The following PHLPP1 variants were observed in gnomAD, a reference collection of about 807,000 sequenced individuals.
PHLPP1 encodes PH domain leucine-rich repeat-containing protein phosphatase 1.
Under a neutral mutation model 117.2 loss-of-function variants are expected in PHLPP1, and 42 were observed. The ratio of observed to expected loss-of-function variants is 0.36; its 90% confidence interval spans 0.28 to 0.46. PHLPP1 has a LOEUF of 0.46. Among genes scored for constraint, PHLPP1 ranks in the 20% least tolerant of loss-of-function variants. The pLI is 1.00. For synonymous variants in PHLPP1, 1,042 were observed against 970.7 expected (o/e 1.07, Z -1.37); for missense variants, 2,084 against 2,241.9 (o/e 0.93, Z 1.42).
chr18:62,929,487 T>G (rs1909744001), intron 10 of PHLPP1, among the ~76,000 whole-genome samples: 1 of 152,198 alleles, frequency 6.6e-6, no homozygotes, highest in African/African-American at 2.4e-5. Flanking sequence ...GAAAGCTGTT[T>G]GGGCGTGATG....
chr18:62,770,499 A>G (rs1164623365), intron 1 of PHLPP1, among the ~76,000 whole-genome samples: 1 of 152,254 alleles, frequency 6.6e-6, no homozygotes, highest in East Asian at 1.9e-4. Flanking sequence ...TATGGTTCAA[A>G]TTCTTATTGT....
At chr18:62,738,443 A>G (rs969473214) in intron 1 of PHLPP1, among the ~76,000 whole-genome samples, 37 of 152,262 alleles carry the variant, frequency 2.4e-4, no homozygotes, top group African/African-American at 8.0e-4. Context: ...ATATTTACAT[A>G]GCGTTTACAT....
intron 1 of PHLPP1, among the ~76,000 whole-genome samples, chr18:62,736,056 C>A (rs1911360408): frequency 6.6e-6 from 1 of 152,098 alleles, no homozygotes; most frequent in East Asian, 1.9e-4. Context: ...GGCCTGGAAT[C>A]TTTGCACCGA....
chr18:62,942,318 C>T (rs1320304402), intron 11 of PHLPP1, among the ~76,000 whole-genome samples: 1 of 152,014 alleles, frequency 6.6e-6, no homozygotes, highest in Admixed American at 6.6e-5. Context: ...CTGAAGAATT[C>T]GAGACCAGCC....
chr18:62,727,221 C>G (rs1301594493), intron 1 of PHLPP1, among the ~76,000 whole-genome samples: 6 of 137,634 alleles, frequency 4.4e-5, no homozygotes, highest in Non-Finnish European at 7.7e-5. Flanking sequence ...GAGTGATACT[C>G]TGTCTCAAAA....
chr18:62,975,670 G>GAGGA, intron 16 of PHLPP1, 45 bp downstream of exon 16: 1 of 1,298,586 alleles, frequency 7.7e-7, no homozygotes, highest in Non-Finnish European at 1.1e-6. Context: ...GAGGAGAGGA[G>GAGGA]AGGAGACCAG....
chr18:62,860,515 A>G lies in PHLPP1; in HGVS notation c.1980A>G (p.Gln660=), dbSNP rs745989631. The G allele has an allele frequency of 6.2e-7, 1 of 1,613,920 alleles. No homozygotes were observed. ...EHLPANLFYS[Q]DLTHLNLKQN... is the part of the protein sequence containing the mutation. ...TGCCTGCCAACCTCTTCTACAGCCAAGACCTCACTCATCTCAATTTAAAAC... is the reference window on the plus strand; with the variant it reads ...TGCCTGCCAACCTCTTCTACAGCCAGGACCTCACTCATCTCAATTTAAAAC... Residue 660 remains glutamine (Q), a synonymous_variant, in exon 4 of 17, where the codon CAA becomes CAG. Transcript: ENST00000262719.
chr18:62,798,465 ACT>A (rs983359901), intron 1 of PHLPP1, among the ~76,000 whole-genome samples: 3 of 152,156 alleles, frequency 2.0e-5, no homozygotes, highest in Admixed American at 2.0e-4. Context: ...CAAAATTTAA[ACT>A]CTGAGATAGT....
chr18:62,972,691 A>G lies in PHLPP1; in HGVS notation c.3738A>G (p.Thr1246=), dbSNP rs1458761042. The stretch of plus-strand genomic sequence containing the variant: ...ACGAAGAAGAATACATGGTCAATAC[A>G]TTCATTGTCATGCAAAGGTAAAACT... The part of the protein sequence containing the change: ...TKNEEEYMVN[T]FIVMQRKLGT... The change falls in exon 15 of 17, where the codon ACA becomes ACG. Residue 1246 remains threonine (T), a synonymous_variant. Transcript: ENST00000262719. The G allele has an allele frequency of 2.5e-6, 4 of 1,612,180 alleles. No homozygotes were observed. Among genetic ancestry groups the G allele is most frequent in the South Asian group, 1.1e-5 (1 of 90,964 alleles).
At chr18:62,952,735 T>C (rs919289191) in intron 12 of PHLPP1, among the ~76,000 whole-genome samples, 17 of 152,094 alleles carry the variant, frequency 1.1e-4, no homozygotes, top group African/African-American at 4.1e-4. Context: ...CACAGGAAGC[T>C]CCCACCTCGG....
intron 4 of PHLPP1, among the ~76,000 whole-genome samples, chr18:62,892,078 CTTTCTTTTTTTTTTTT>C (rs1287290226): frequency 5.3e-5 from 6 of 113,748 alleles, no homozygotes; most frequent in East Asian, 2.5e-4. Context: ...TTCTTTCTTT[CTTTCTTTTTTTTTTTT>C]TTTTTTTTTT....
intron 1 of PHLPP1, among the ~76,000 whole-genome samples, chr18:62,717,649 T>A (rs982269874): frequency 2.1e-4 from 32 of 152,130 alleles, no homozygotes; most frequent in African/African-American, 7.5e-4. Flanking sequence ...ACAGAAGAAA[T>A]GACAATAAAA....
intron 12 of PHLPP1, among the ~76,000 whole-genome samples, chr18:62,952,145 G>A (rs950036223): frequency 1.3e-5 from 2 of 152,046 alleles, no homozygotes; most frequent in African/African-American, 4.8e-5. Flanking sequence ...GTGCTGGTGG[G>A]CTAGGCACGG....
rs897757426 is a variant in PHLPP1, at chr18:62,966,470, T to C, written c.3560+2998T>C. ...TTTAATGTACAGTTCTACAAATTTT[T>C]TTTTTTTTTTTTTTTTTTGAGACGG... On this transcript the variant is annotated intron_variant, in intron 14 of 16. Transcript: ENST00000262719. 3.5e-5 allele frequency among the ~76,000 whole-genome samples: 5 copies of C among 143,490 alleles called. 1 individual carries two copies. The highest frequency in any genetic ancestry group is 1.3e-4 in the African/African-American group (5 of 38,316). 94.1% of individuals were successfully genotyped at this position (143,490 alleles called of 152,430 possible).
intron 4 of PHLPP1, among the ~76,000 whole-genome samples, chr18:62,861,303 C>T (rs1279832990): frequency 6.6e-6 from 1 of 152,082 alleles, no homozygotes; most frequent in Non-Finnish European, 1.5e-5. Flanking sequence ...GGGGTTTTAC[C>T]ATGTTGGCCA....
chr18:62,875,245 C>G (rs1048970522), intron 4 of PHLPP1, among the ~76,000 whole-genome samples: 10 of 152,118 alleles, frequency 6.6e-5, no homozygotes, highest in African/African-American at 2.2e-4. Context: ...TGAGGCACCA[C>G]GTCCGGCCTA....
intron 4 of PHLPP1, among the ~76,000 whole-genome samples, chr18:62,882,040 C>T (rs763304971): frequency 6.6e-5 from 10 of 152,172 alleles, no homozygotes; most frequent in Non-Finnish European, 1.3e-4. Context: ...CCAGGAAAGA[C>T]AGCCTCTCTC....
In PHLPP1 at chr18:62,914,931, G is replaced by C. The variant is rs765055707; in HGVS notation, c.2727G>C (p.Val909=). 1.5e-5 allele frequency: 24 copies of C among 1,613,452 alleles called. No homozygotes were observed. Among genetic ancestry groups the C allele is most frequent in the Non-Finnish European group, 1.9e-5 (23 of 1,179,652 alleles). ...MDVSRNRLEN[V]PEWVCESRKL... ...CATTTAGGAACCGCTTAGAAAATGT[G>C]CCTGAGTGGGTATGTGAAAGCCGAA... is the stretch of plus-strand genomic sequence containing the variant. Residue 909 remains valine (V), a synonymous_variant, in exon 9 of 17, where the codon GTG becomes GTC. Transcript: ENST00000262719.
chr18:62,739,897 A>G (rs1212589236), intron 1 of PHLPP1, among the ~76,000 whole-genome samples: 1 of 152,184 alleles, frequency 6.6e-6, no homozygotes, highest in Non-Finnish European at 1.5e-5. Flanking sequence ...CAACCAAGTA[A>G]TCATAGTGTA....
Sources: allele counts gnomAD v4.1 joint callset (sites outside exome capture counted in the v4.1 genomes callset), GRCh38; gene constraint gnomAD v4.1.1; transcripts MANE v1.5; gene names NCBI Gene and HGNC (gene_info 2026-07-23, HGNC 2026-07-21).